The following ABCA13 variants were observed in gnomAD, a reference collection of about 807,000 sequenced individuals.
ABCA13 encodes the protein ATP-binding cassette sub-family A member 13.
A neutral mutation model predicts 478.7 loss-of-function variants in ABCA13; 476 were observed. The ratio of observed to expected loss-of-function variants is 0.99; its 90% CI spans 0.92 to 1.07. The LOEUF (loss-of-function observed/expected upper bound fraction) is 1.07, where lower values mean the gene tolerates loss of function less well. ABCA13 is among the 50% of genes least tolerant of loss of function. The pLI, the probability that ABCA13 is intolerant of heterozygous loss-of-function variation, is 0.00. For synonymous variants in ABCA13, 2,252 were observed against 2,158.9 expected (o/e 1.04, Z -1.20); for missense variants, 6,060 against 5,910.6 (o/e 1.03, Z -0.83).
At chr7:48,185,523 G>A (rs1046208758) in intron 1 of ABCA13, among the ~76,000 whole-genome samples, 2 of 152,072 alleles carry the variant, frequency 1.3e-5, no homozygotes, top group African/African-American at 4.8e-5. Context: ...GATCAATCTG[G>A]GTAGGATTAA....
Position 48,279,569 on chromosome 7 carries a change from A to T in ABCA13, c.8375A>T (p.Asp2792Val). The stretch of plus-strand genomic sequence containing the variant: ...GGAATTAAAAGTGACTATGAAGGTG[A>T]TTTGAATAAAAGTTTATATTTTGAC... Reference protein sequence around the residue: ...SSGIKSDYEGDLNKSLYFDTP... With the variant: ...SSGIKSDYEGVLNKSLYFDTP... Residue 2792 changes from aspartate (D) to valine (V), a missense_variant, in exon 18 of 62, where the codon GAT (aspartate) becomes GTT (valine). Coordinates refer to ENST00000435803, the MANE Select transcript of ABCA13 (RefSeq NM_152701.5). 1 of 1,613,474 alleles carries T rather than the reference A, an allele frequency of 6.2e-7. No individual in the cohort carries two copies. Among genetic ancestry groups the T allele is most frequent in the Non-Finnish European group, 8.5e-7 (1 of 1,179,648 alleles).
At chr7:48,614,802 G>A (rs1278103045) in intron 58 of ABCA13, among the ~76,000 whole-genome samples, 10 of 144,926 alleles carry the variant, frequency 6.9e-5, no homozygotes, top group Admixed American at 4.4e-4. Flanking sequence ...ACCAAACACC[G>A]CATGTTCTCA....
chr7:48,574,061 C>T (rs1053404929), intron 55 of ABCA13, among the ~76,000 whole-genome samples: 10 of 151,914 alleles, frequency 6.6e-5, no homozygotes, highest in African/African-American at 1.2e-4. Flanking sequence ...ATTTTATCTT[C>T]AAATAAGGTC....
intron 54 of ABCA13, among the ~76,000 whole-genome samples, chr7:48,525,670 CTTTTTTTTTTTT>C (rs538127881): frequency 1.5e-5 from 1 of 68,306 alleles, no homozygotes; most frequent in Non-Finnish European, 2.9e-5. Context: ...TTTAGATGCG[CTTTTTTTTTTTT>C]TTTTTTTTTT....
At chr7:48,503,818 A>G (rs984801175) in intron 48 of ABCA13, among the ~76,000 whole-genome samples, 2 of 152,146 alleles carry the variant, frequency 1.3e-5, no homozygotes, top group African/African-American at 4.8e-5. Context: ...ACATCTAGAA[A>G]TGGGTTTGCT....
rs921317482 is a variant in ABCA13, at chr7:48,303,388, T to C, written c.9321+4901T>C. ...GCTTTTCTTGAGTTTGCTTCTGGCA[T>C]CTTCATCATGAAGTCTTTGCCCATT... On this transcript the variant is annotated intron_variant, in intron 23 of 61. Transcript: ENST00000435803. 2.6e-5 allele frequency among the ~76,000 whole-genome samples: 4 copies of C among 152,224 alleles called. No individual in the cohort carries two copies. The South Asian group carries it at 8.3e-4, about 31-fold the overall frequency.
intron 32 of ABCA13, among the ~76,000 whole-genome samples, chr7:48,371,772 C>T (rs980650156): frequency 1.3e-5 from 2 of 152,032 alleles, no homozygotes; most frequent in African/African-American, 2.4e-5. Flanking sequence ...TATTTGAATA[C>T]GCTTTATTTC....
intron 55 of ABCA13, among the ~76,000 whole-genome samples, chr7:48,558,208 T>G (rs1001932735): frequency 3.2e-5 from 4 of 123,974 alleles, no homozygotes; most frequent in African/African-American, 9.1e-5. Context: ...TCTCTCTCCC[T>G]TTCACTTTCT....
chr7:48,631,716 G>A (rs974071861), intron 59 of ABCA13, among the ~76,000 whole-genome samples: 2 of 151,760 alleles, frequency 1.3e-5, no homozygotes, highest in African/African-American at 4.8e-5. Flanking sequence ...AATGATATTG[G>A]AATTTTGATA....
intron 41 of ABCA13, among the ~76,000 whole-genome samples, chr7:48,413,857 T>G (rs993050135): frequency 1.8e-4 from 28 of 152,352 alleles, no homozygotes; most frequent in African/African-American, 6.7e-4. Flanking sequence ...TTATTCCTAT[T>G]TTAAGGTTGA....
intron 55 of ABCA13, among the ~76,000 whole-genome samples, chr7:48,572,809 T>C (rs1189295708): frequency 1.3e-5 from 2 of 152,198 alleles, no homozygotes; most frequent in Non-Finnish European, 2.9e-5. Context: ...GTATGATCCA[T>C]GTAATTTTTA....
intron 55 of ABCA13, among the ~76,000 whole-genome samples, chr7:48,553,633 T>C (rs902813596): frequency 6.6e-6 from 1 of 152,022 alleles, no homozygotes; most frequent in Admixed American, 6.6e-5. Context: ...CTATTCAGAT[T>C]TTTTGCCCAT....
rs765862252 is a variant in ABCA13 at position 48,272,205 on chromosome 7, A to G, written c.2539A>G (p.Arg847Gly). 1.7e-5 allele frequency: 27 copies of G among 1,611,338 alleles called. No individual in the cohort carries two copies. In the East Asian group the frequency reaches 3.6e-4, roughly 21 times the overall value. Reference sequence around the variant, plus strand: ...GGCCTATGGCATTTCAAAAGGAAAAAGAGCTAAATTGGAAAACTTCTTTAC... The same window carrying G: ...GGCCTATGGCATTTCAAAAGGAAAAGGAGCTAAATTGGAAAACTTCTTTAC... The part of the protein sequence containing the change: ...LWAYGISKGK[R>G]AKLENFFTLL... The change falls in exon 17 of 62, where the codon AGA becomes GGA. Residue 847 changes from arginine to glycine, a missense_variant. Physicochemically the swap from Arg to Gly is moderately radical, Grantham distance 125. This residue lies in a region of ABCA13 where 4,423 missense variants were observed against 4,309.1 expected (regional missense o/e 1.03). Transcript: ENST00000435803.
Position 48,403,871 on chromosome 7 carries a change from A to G in ABCA13, c.12062A>G (p.Tyr4021Cys). 6.2e-7 allele frequency: 1 copy of G among 1,613,086 alleles called. No individual in the cohort carries two copies. Among genetic ancestry groups the G allele is most frequent in the Non-Finnish European group, 8.5e-7 (1 of 1,179,490 alleles). The change falls in exon 39 of 62, where the codon TAC (tyrosine) becomes TGC (cysteine). Residue 4021 changes from tyrosine (Y) to cysteine (C), a missense_variant. Around this residue, in one of 3 missense-constraint regions of ABCA13, gnomAD observed 1,627 missense variants for 1,571.0 expected, o/e 1.04. Coordinates refer to ENST00000435803, the MANE Select transcript of ABCA13 (RefSeq NM_152701.5). ...RHSLWDILLK[Y>C]REGRTIIFTT... is the part of the protein sequence containing the mutation. ...AGCCTGTGGGACATTCTGCTCAAGT[A>G]CCGAGAAGGTAGGCACTGGGCCTCA...
At chr7:48,340,815 T>A (rs2128956742) in intron 29 of ABCA13, among the ~76,000 whole-genome samples, 1 of 152,086 alleles carries the variant, frequency 6.6e-6, no homozygotes, top group Admixed American at 6.6e-5. Flanking sequence ...TTTTCATATC[T>A]ATAAATATTG....
At chr7:48,461,305 C>T (rs545093341) in intron 43 of ABCA13, among the ~76,000 whole-genome samples, 44 of 152,194 alleles carry the variant, frequency 2.9e-4, no homozygotes, top group African/African-American at 9.6e-4. Flanking sequence ...CTGCAAGGTC[C>T]GCCTTCACAC....
At chr7:48,418,852 T>C (rs1184373842) in intron 41 of ABCA13, among the ~76,000 whole-genome samples, 1 of 152,252 alleles carries the variant, frequency 6.6e-6, no homozygotes, top group Non-Finnish European at 1.5e-5. Context: ...AAAATTCTTT[T>C]TATGTTATGT....
At chr7:48,409,649 A>G (rs1818721577) in intron 39 of ABCA13, among the ~76,000 whole-genome samples, 1 of 152,302 alleles carries the variant, frequency 6.6e-6, no homozygotes, top group South Asian at 2.1e-4. Context: ...AAGGGTATCA[A>G]TGTATACCAT....
intron 42 of ABCA13, among the ~76,000 whole-genome samples, chr7:48,450,980 T>TTC (rs1554518988): frequency 6.7e-6 from 1 of 150,336 alleles, no homozygotes; most frequent in African/African-American, 2.4e-5. Context: ...TTCTTTTTTT[T>TTC]TTTTCTTTTC....
Sources: allele counts gnomAD v4.1 joint callset (sites outside exome capture counted in the v4.1 genomes callset), GRCh38; gene constraint gnomAD v4.1.1; regional missense constraint gnomAD v4.1.1; transcripts MANE v1.5; gene names NCBI Gene and HGNC (gene_info 2026-07-23, HGNC 2026-07-21).